Variants in NRXN2 observed in about 807,000 individuals in gnomAD.
The protein encoded by NRXN2 is neurexin 2.
NRXN2 carries 29 observed loss-of-function variants against 128.8 expected under a neutral mutation model. The observed-to-expected ratio is 0.23, with a 90% CI of 0.17 to 0.31. NRXN2 has a LOEUF of 0.31. NRXN2 is among the 10% of genes least tolerant of loss of function. NRXN2 has a pLI of 1.00. For missense variants in NRXN2, 1,881 were observed against 2,452.6 expected, an observed-to-expected ratio of 0.77 and a Z score of 4.92; for synonymous variants, 1,098 against 1,075.2, an observed-to-expected ratio of 1.02 and a Z score of -0.41.
intron 17 of NRXN2, chr11:64,642,946 G>C (rs1423966791): frequency 9.8e-7 from 1 of 1,021,848 alleles, no homozygotes; most frequent in Non-Finnish European, 1.2e-6. Flanking sequence ...CCCAAGCCTC[G>C]GTCCGGAGCC....
At chr11:64,665,585 GC>G in intron 9 of NRXN2, among the ~76,000 whole-genome samples, 1 of 152,308 alleles carries the variant, frequency 6.6e-6, no homozygotes, top group South Asian at 2.1e-4. Flanking sequence ...TTAATGTAAA[GC>G]CCGGGGGAGG....
intron 8 of NRXN2, 150 bp downstream of exon 8, chr11:64,668,293 G>T: frequency 2.1e-6 from 2 of 949,376 alleles, no homozygotes; most frequent in East Asian, 5.2e-5. Context: ...GGAGTCAGTG[G>T]GCCTTAGGTT....
At chr11:64,722,472 T>A (rs896299562) in intron 1 of NRXN2, among the ~76,000 whole-genome samples, 3 of 151,586 alleles carry the variant, frequency 2.0e-5, no homozygotes, top group Non-Finnish European at 2.9e-5. Context: ...CCTCAGTGGG[T>A]CCCCTCAGGA....
At chr11:64,661,794 C>CA (rs1168569486) in intron 9 of NRXN2, among the ~76,000 whole-genome samples, 1 of 152,118 alleles carries the variant, frequency 6.6e-6, no homozygotes, top group African/African-American at 2.4e-5. Flanking sequence ...AGTATGGTCC[C>CA]AGCAGCAAGA....
chr11:64,648,920 T>C lies in NRXN2; in HGVS notation c.3110-13A>G. On this transcript the variant is annotated splice_polypyrimidine_tract_variant and intron_variant, in intron 15 of 22. Coordinates refer to ENST00000265459, the MANE Select transcript of NRXN2 (RefSeq NM_015080.4). The surrounding 1 kb of genome is among the most constrained non-coding windows in gnomAD (Gnocchi z 4.1). ...ATGTACAACTCCCCTGCAAAGGGAG[T>C]GGGTCAACCAAGGCATCCAGGTCCC... 1 of 1,613,934 alleles carries C rather than the reference T, an allele frequency of 6.2e-7. No individual in the cohort carries two copies. The highest frequency in any genetic ancestry group is 8.5e-7 in the Non-Finnish European group (1 of 1,179,938).
At chr11:64,692,486 A>G (rs1233276386) in intron 4 of NRXN2, among the ~76,000 whole-genome samples, 1 of 152,220 alleles carries the variant, frequency 6.6e-6, no homozygotes, top group Non-Finnish European at 1.5e-5. Context: ...CACCACCATG[A>G]GAAAGAAAAA....
intron 17 of NRXN2, among the ~76,000 whole-genome samples, chr11:64,636,774 A>G (rs1455539182): frequency 6.6e-6 from 1 of 151,480 alleles, no homozygotes; most frequent in Non-Finnish European, 1.5e-5. Context: ...ACTTCTAAGG[A>G]GCAGGCCTTG....
chr11:64,650,320 C>G, intron 15 of NRXN2, 128 bp downstream of exon 15: 1 of 931,090 alleles, frequency 1.1e-6, no homozygotes, highest in Admixed American at 1.8e-5. Context: ...ATAGTGGAGA[C>G]AGGGAAAGAG....
chr11:64,609,131 C>A (rs2040213006), intron 22 of NRXN2, among the ~76,000 whole-genome samples: 1 of 151,522 alleles, frequency 6.6e-6, no homozygotes, highest in Non-Finnish European at 1.5e-5. Flanking sequence ...CATGTAGAGG[C>A]AGGGAGGTAG....
intron 22 of NRXN2, among the ~76,000 whole-genome samples, chr11:64,616,577 G>A (rs976708957): frequency 3.3e-5 from 5 of 152,186 alleles, no homozygotes; most frequent in Admixed American, 6.5e-5. Flanking sequence ...GTCCGAGGGC[G>A]TGTCACAAGG....
Position 64,635,585 on chromosome 11 carries a change from G to A in NRXN2, c.3404-133C>T. The A allele has an allele frequency of 9.8e-7, 1 of 1,015,430 alleles. No individual in the cohort carries two copies. Among genetic ancestry groups the A allele is most frequent in the South Asian group, 1.4e-5 (1 of 72,514 alleles). 62.9% of individuals were successfully genotyped at this position (1,015,430 alleles called of 1,614,324 possible). A position where few individuals can be genotyped will look rare whatever the true frequency, so the allele number is the denominator to read the frequency against. ...GACTTCAGCTGTGATACCCACAGCA[G>A]CCACCAGCCCTGCCACCCCAGGGAG... On this transcript the variant is annotated intron_variant, in intron 17 of 22. Coordinates refer to ENST00000265459, the MANE Select transcript of NRXN2 (RefSeq NM_015080.4). This position sits in a 1 kb window ranked among gnomAD's most constrained non-coding sequence, Gnocchi z 4.8.
intron 6 of NRXN2, among the ~76,000 whole-genome samples, chr11:64,679,883 G>C (rs2051947104): frequency 6.6e-6 from 1 of 152,126 alleles, no homozygotes; most frequent in Admixed American, 6.5e-5. Flanking sequence ...GGTGGCCTCG[G>C]ACACAGCACA....
intron 21 of NRXN2, among the ~76,000 whole-genome samples, chr11:64,620,661 G>A (rs1363241305): frequency 2.0e-5 from 3 of 150,006 alleles, no homozygotes; most frequent in Admixed American, 6.7e-5. Context: ...GAGAGTGGAC[G>A]CCAGACTTTG....
Position 64,635,696 on chromosome 11 carries a change from A to G in NRXN2, c.3404-244T>C, listed in dbSNP as rs1395197571. ...CTCATCAAGAATGCTAGCTTTAATTACAGCAAAATAGAGAGGTAATAGAGT... is the reference window on the plus strand; with the variant it reads ...CTCATCAAGAATGCTAGCTTTAATTGCAGCAAAATAGAGAGGTAATAGAGT... On this transcript the variant is annotated intron_variant, in intron 17 of 22. Transcript: ENST00000265459. This position sits in a 1 kb window ranked among gnomAD's most constrained non-coding sequence, Gnocchi z 4.8. Among the ~76,000 whole-genome samples the G allele has an allele frequency of 6.6e-6, 1 of 152,174 alleles. No homozygotes were observed. Among genetic ancestry groups the G allele is most frequent in the South Asian group, 2.1e-4 (1 of 4,830 alleles).
chr11:64,664,888 G>C (rs1422449327), intron 9 of NRXN2, among the ~76,000 whole-genome samples: 1 of 152,120 alleles, frequency 6.6e-6, no homozygotes, highest in African/African-American at 2.4e-5. Context: ...TACTCGGGAG[G>C]CTGAGGCAGG....
chr11:64,720,548 C>T (rs917640750), intron 1 of NRXN2, among the ~76,000 whole-genome samples: 31 of 152,054 alleles, frequency 2.0e-4, no homozygotes, highest in African/African-American at 6.0e-4. Context: ...TGGGAAGGGT[C>T]GTGGTTGTGG....
chr11:64,608,792 G>C (rs1377174650), intron 22 of NRXN2, among the ~76,000 whole-genome samples: 1 of 152,026 alleles, frequency 6.6e-6, no homozygotes, highest in African/African-American at 2.4e-5. Flanking sequence ...TCAACACAAA[G>C]CTGAACTCTG....
intron 2 of NRXN2, among the ~76,000 whole-genome samples, chr11:64,711,515 C>A (rs1487280274): frequency 6.6e-6 from 1 of 152,126 alleles, no homozygotes; most frequent in East Asian, 1.9e-4. Context: ...CACAGCCCCG[C>A]CCCGGGCCGC....
rs116109566 is a variant in NRXN2 at position 64,720,802 on chromosome 11, G to T, written c.-245+2169C>A. Among the ~76,000 whole-genome samples, 1,485 of 152,306 alleles carry T rather than the reference G, an allele frequency of 9.8e-3. 11 individuals are homozygous for T. The highest frequency in any genetic ancestry group is 0.033 in the African/African-American group (1,356 of 41,554). On this transcript the variant is annotated intron_variant, in intron 1 of 22. Transcript: ENST00000265459. ...GGCAGGGACTGGTGTGTCTGGGAGG[G>T]TGTGCCCACATGCTGTGTAGACCTG...
Sources: allele counts gnomAD v4.1 joint callset (sites outside exome capture counted in the v4.1 genomes callset), GRCh38; gene constraint gnomAD v4.1.1; non-coding constraint Gnocchi (gnomAD v3.1); transcripts MANE v1.5; gene names NCBI Gene and HGNC (gene_info 2026-07-23, HGNC 2026-07-21).